The following PPP2R2B variants were observed in gnomAD, a reference collection of about 807,000 sequenced individuals.
PPP2R2B encodes the protein protein phosphatase 2 regulatory subunit Bbeta.
A neutral mutation model predicts 46.0 loss-of-function variants in PPP2R2B; 5 were observed. The observed-to-expected ratio is 0.11, with a 90% confidence interval of 0.06 to 0.23. The LOEUF (loss-of-function observed/expected upper bound fraction) is 0.23, where lower values mean the gene tolerates loss of function less well. PPP2R2B is among the 10% of genes least tolerant of loss of function. The pLI is 1.00. For missense variants in PPP2R2B, 367 were observed against 575.0 expected, an observed-to-expected ratio of 0.64 and a Z score of 3.70; for synonymous variants, 215 against 206.7, an observed-to-expected ratio of 1.04 and a Z score of -0.34.
intron 7 of PPP2R2B, among the ~76,000 whole-genome samples, chr5:146,621,502 T>C (rs1047998248): frequency 2.5e-4 from 38 of 152,340 alleles, no homozygotes; most frequent in African/African-American, 9.1e-4. Flanking sequence ...CCCACACCTC[T>C]GAAGGCATGG....
chr5:146,634,458 CTGAG>C (rs778904345), intron 7 of PPP2R2B, among the ~76,000 whole-genome samples: 1 of 152,158 alleles, frequency 6.6e-6, no homozygotes, highest in South Asian at 2.1e-4. Flanking sequence ...CCTCAGCCTC[CTGAG>C]TAACTGGGAC....
chr5:146,602,318 A>G (rs1433570510), intron 7 of PPP2R2B, among the ~76,000 whole-genome samples: 1 of 152,186 alleles, frequency 6.6e-6, no homozygotes, highest in African/African-American at 2.4e-5. Flanking sequence ...TCAGAGTCTT[A>G]CTCACAAATG....
upstream of PPP2R2B, among the ~76,000 whole-genome samples, chr5:147,060,917 A>C (rs1257005257): frequency 6.6e-6 from 1 of 152,184 alleles, no homozygotes; most frequent in East Asian, 1.9e-4. Flanking sequence ...TGATAAGTAC[A>C]TGCTGGATTG....
chr5:147,030,206 T>C (rs1003754447), intron 1 of PPP2R2B, among the ~76,000 whole-genome samples: 1 of 152,212 alleles, frequency 6.6e-6, no homozygotes, highest in Non-Finnish European at 1.5e-5. Context: ...TTTGACCCTC[T>C]GTACTTAGAT....
At chr5:146,893,123 G>A (rs985782408) in intron 1 of PPP2R2B, among the ~76,000 whole-genome samples, 9 of 152,082 alleles carry the variant, frequency 5.9e-5, no homozygotes, top group African/African-American at 1.7e-4. Flanking sequence ...TTATTCCCTC[G>A]TGATGTGTTT....
chr5:147,023,985 C>T (rs912236124), intron 1 of PPP2R2B, among the ~76,000 whole-genome samples: 2 of 152,222 alleles, frequency 1.3e-5, no homozygotes, highest in Non-Finnish European at 2.9e-5. Flanking sequence ...TTCTCAGGTC[C>T]TGCACCTGGG....
chr5:146,705,474 A>G (rs1779781130), intron 2 of PPP2R2B, among the ~76,000 whole-genome samples: 1 of 152,126 alleles, frequency 6.6e-6, no homozygotes, highest in Non-Finnish European at 1.5e-5. Context: ...TAGGATGTGT[A>G]TCATTTGTCA....
At chr5:146,621,736 A>G (rs1026766067) in intron 7 of PPP2R2B, among the ~76,000 whole-genome samples, 2 of 152,242 alleles carry the variant, frequency 1.3e-5, no homozygotes, top group Non-Finnish European at 2.9e-5. Flanking sequence ...TCCCTTCCAC[A>G]GTCACTCTAG....
At chr5:146,832,256 G>A (rs10077183) in intron 2 of PPP2R2B, among the ~76,000 whole-genome samples, 21,740 of 151,864 alleles carry the variant, frequency 0.14, 2,035 homozygotes, top group East Asian at 0.43. Context: ...TTATAGCAGT[G>A]TACAATAATG....
intron 6 of PPP2R2B, among the ~76,000 whole-genome samples, chr5:146,645,726 A>G (rs1423525462): frequency 6.6e-6 from 1 of 152,238 alleles, no homozygotes; most frequent in African/African-American, 2.4e-5. Flanking sequence ...CCAAGGTCAA[A>G]GTTGAAGTAT....
chr5:146,655,662 C>T (rs1282657253), intron 5 of PPP2R2B, among the ~76,000 whole-genome samples: 2 of 152,240 alleles, frequency 1.3e-5, no homozygotes, highest in African/African-American at 4.8e-5. Flanking sequence ...ACTCCTGCCA[C>T]TCCTTGACTC....
chr5:146,798,820 A>C (rs1756692917), intron 2 of PPP2R2B, among the ~76,000 whole-genome samples: 1 of 152,200 alleles, frequency 6.6e-6, no homozygotes, highest in African/African-American at 2.4e-5. Flanking sequence ...TCCAGGGTAT[A>C]CAGCTAACAA....
At chr5:146,950,570 A>G (rs1318323264) in intron 1 of PPP2R2B, among the ~76,000 whole-genome samples, 1 of 152,062 alleles carries the variant, frequency 6.6e-6, no homozygotes, top group Non-Finnish European at 1.5e-5. Context: ...AAACATCAGT[A>G]CTTTTCCAAG....
At chr5:146,653,058 A>G (rs539544527) in intron 5 of PPP2R2B, among the ~76,000 whole-genome samples, 1 of 152,312 alleles carries the variant, frequency 6.6e-6, no homozygotes, top group Admixed American at 6.5e-5. Context: ...AGTATTCTTC[A>G]TACATAATCT....
At chr5:146,965,873 A>C (rs1221887354) in intron 1 of PPP2R2B, among the ~76,000 whole-genome samples, 2 of 152,216 alleles carry the variant, frequency 1.3e-5, no homozygotes, top group Non-Finnish European at 2.9e-5. Flanking sequence ...CTGTGCATCC[A>C]GGCAAAGTGT....
chr5:146,698,715 G>A (rs1359993263), intron 3 of PPP2R2B, among the ~76,000 whole-genome samples: 2 of 151,850 alleles, frequency 1.3e-5, no homozygotes, highest in Non-Finnish European at 2.9e-5. Flanking sequence ...AGCTCATAAG[G>A]AGCAGATTTG....
At chr5:146,759,647 T>C (rs1431793642) in intron 2 of PPP2R2B, among the ~76,000 whole-genome samples, 2 of 152,182 alleles carry the variant, frequency 1.3e-5, no homozygotes, top group Non-Finnish European at 2.9e-5. Context: ...TGTTGCACTC[T>C]CAACATCCTC....
intron 2 of PPP2R2B, among the ~76,000 whole-genome samples, chr5:146,839,049 C>T (rs954849398): frequency 6.6e-6 from 1 of 152,172 alleles, no homozygotes; most frequent in African/African-American, 2.4e-5. Flanking sequence ...GATTTCCAAC[C>T]TTCCCTTCTT....
intron 7 of PPP2R2B, among the ~76,000 whole-genome samples, chr5:146,620,890 T>C (rs998595474): frequency 6.6e-6 from 1 of 152,196 alleles, no homozygotes; most frequent in African/African-American, 2.4e-5. Flanking sequence ...TTAGGGGTGA[T>C]TGCTGGGAAG....
Sources: allele counts gnomAD v4.1 joint callset (sites outside exome capture counted in the v4.1 genomes callset), GRCh38; gene constraint gnomAD v4.1.1; transcripts MANE v1.5; gene names NCBI Gene and HGNC (gene_info 2026-07-23, HGNC 2026-07-21).